Variants in CD4 observed in about 807,000 individuals in gnomAD.
The protein encoded by CD4 is CD4 molecule.
CD4 carries 25 observed loss-of-function variants against 50.5 expected under a neutral mutation model. The observed-to-expected ratio is 0.49, with a 90% CI of 0.36 to 0.69. The LOEUF (loss-of-function observed/expected upper bound fraction) is 0.69, where lower values mean the gene tolerates loss of function less well. Ranked by LOEUF, CD4 falls within the 30% of genes least tolerant of loss-of-function variation. The pLI, the probability that CD4 is intolerant of heterozygous loss-of-function variation, is 0.00. For missense variants in CD4, 456 were observed against 548.5 expected (o/e 0.83, Z 1.68); for synonymous variants, 207 against 221.9 (o/e 0.93, Z 0.60).
chr12:6,807,773 A>C (rs1447477798), intron 3 of CD4, among the ~76,000 whole-genome samples: 2 of 152,186 alleles, frequency 1.3e-5, no homozygotes, highest in African/African-American at 4.8e-5. Flanking sequence ...ATCTACAATT[A>C]TCTCAAAATA....
intron 3 of CD4, 62 bp downstream of exon 3, chr12:6,800,533 G>A: frequency 7.0e-7 from 1 of 1,431,610 alleles, no homozygotes; most frequent in Admixed American, 2.1e-5. Context: ...AGCCTTTGGT[G>A]TCTGAGATCT....
intron 3 of CD4, among the ~76,000 whole-genome samples, chr12:6,812,438 G>C (rs1279764596): frequency 6.6e-6 from 1 of 152,118 alleles, no homozygotes; most frequent in Non-Finnish European, 1.5e-5. Flanking sequence ...CCAGCACTTC[G>C]GGAGGCCAAG....
chr12:6,802,040 A>ACTT (rs1942580801), intron 3 of CD4, among the ~76,000 whole-genome samples: 1 of 150,700 alleles, frequency 6.6e-6, no homozygotes, highest in African/African-American at 2.4e-5. Flanking sequence ...TGCCCGGCTA[A>ACTT]TTTGCGTATT....
At chr12:6,793,961 T>A (rs1280978959) in intron 1 of CD4, among the ~76,000 whole-genome samples, 1 of 40,702 alleles carries the variant, frequency 2.5e-5, no homozygotes, top group Admixed American at 3.6e-4. Flanking sequence ...ACCCGGCTTC[T>A]ATCTATCTAT....
chr12:6,803,954 A>G (rs1297222418), intron 3 of CD4, among the ~76,000 whole-genome samples: 1 of 150,802 alleles, frequency 6.6e-6, no homozygotes, highest in Admixed American at 6.6e-5. Context: ...TACTAAAAAT[A>G]CAAAAAGTCA....
rs1943101914 is a variant in CD4 at position 6,817,180 on chromosome 12, C to G, written c.1006C>G (p.Pro336Ala). The change falls in exon 7 of 10, where the codon CCT (proline) becomes GCT (alanine). Residue 336 changes from proline (P) to alanine (A), a missense_variant. Transcript: ENST00000011653. Reference protein sequence around the residue: ...LTCEVWGPTSPKLMLSLKLEN... With the variant: ...LTCEVWGPTSAKLMLSLKLEN... ...CTGTGAGGTGTGGGGACCCACCTCC[C>G]CTAAGCTGATGCTGAGTTTGAAACT... 1 of 1,614,102 alleles carries G rather than the reference C, an allele frequency of 6.2e-7. No homozygotes were observed. The highest frequency in any genetic ancestry group is 1.3e-5 in the African/African-American group (1 of 75,040).
At chr12:6,815,842 G>A in intron 5 of CD4, 1 of 1,499,990 alleles carries the variant, frequency 6.7e-7, no homozygotes, top group Non-Finnish European at 8.9e-7. Context: ...GCTTCCGGGA[G>A]GAGGGAGGTG....
At chr12:6,813,538 C>T (rs991871869) in intron 3 of CD4, 5 of 152,142 alleles carry the variant, frequency 3.3e-5, no homozygotes, top group African/African-American at 1.2e-4. Flanking sequence ...AGATACGGGT[C>T]CAAATTAGTA....
chr12:6,817,436 T>C, intron 7 of CD4, 106 bp downstream of exon 7: 1 of 960,606 alleles, frequency 1.0e-6, no homozygotes, highest in African/African-American at 1.6e-5. Flanking sequence ...AGTTGGGGGG[T>C]TATGGGTATG....
chr12:6,809,400 G>A (rs1286103217), intron 3 of CD4, among the ~76,000 whole-genome samples: 1 of 152,068 alleles, frequency 6.6e-6, no homozygotes, highest in African/African-American at 2.4e-5. Context: ...GGGGGCTGAG[G>A]TGGCAGGATC....
At position 6,819,431 on chromosome 12, in the gene CD4, C is replaced by T. The variant is rs1943212160; in HGVS notation, c.*102C>T. On this transcript the variant is annotated 3_prime_UTR_variant, in exon 10 of 10. Transcript: ENST00000011653. ...ATGTAGCAGATCCCCAGCCTCTGGC[C>T]TCCTGTTCGCCTCCTCTACAATTTG... 4 of 1,091,020 alleles carry T rather than the reference C, an allele frequency of 3.7e-6. No homozygotes were observed. The highest frequency in any genetic ancestry group is 1.5e-5 in the African/African-American group (1 of 64,606). 67.6% of individuals were successfully genotyped at this position (1,091,020 alleles called of 1,614,324 possible).
chr12:6,797,187 T>A (rs1942398413), intron 1 of CD4, among the ~76,000 whole-genome samples: 1 of 152,098 alleles, frequency 6.6e-6, no homozygotes, highest in East Asian at 1.9e-4. Flanking sequence ...GAATCGCTCC[T>A]CTAATCTACA....
At chr12:6,801,155 C>T (rs1472358297) in intron 3 of CD4, among the ~76,000 whole-genome samples, 1 of 151,402 alleles carries the variant, frequency 6.6e-6, no homozygotes, top group African/African-American at 2.4e-5. Context: ...ATCCACTCAC[C>T]TTGGCCTCTC....
intron 3 of CD4, among the ~76,000 whole-genome samples, chr12:6,809,349 A>G (rs979993481): frequency 1.8e-4 from 28 of 152,172 alleles, no homozygotes; most frequent in African/African-American, 6.7e-4. Context: ...TACAAAAGTT[A>G]GTCGGGAGTG....
chr12:6,795,125 T>TATCTATC (rs1555114252), intron 1 of CD4, among the ~76,000 whole-genome samples: 2 of 151,872 alleles, frequency 1.3e-5, no homozygotes, highest in Non-Finnish European at 2.9e-5. Context: ...TCTATCTATC[T>TATCTATC]ATCTATCTAT....
intron 1 of CD4, among the ~76,000 whole-genome samples, chr12:6,793,970 A>ATATC (rs35782413): frequency 0.014 from 1,831 of 133,878 alleles, 13 homozygotes; most frequent in African/African-American, 0.031. Flanking sequence ...CTATCTATCT[A>ATATC]TATCTATCTA....
In CD4 at chr12:6,800,158, T is replaced by G. The variant is rs1164548089; in HGVS notation, c.20T>G (p.Phe7Cys). 7 of 1,614,042 alleles carry G rather than the reference T, an allele frequency of 4.3e-6. No individual in the cohort carries two copies. The highest frequency in any genetic ancestry group is 5.1e-6 in the Non-Finnish European group (6 of 1,179,986). The change falls in exon 2 of 10, where the codon TTT becomes TGT. Residue 7 changes from phenylalanine to cysteine, a missense_variant. Physicochemically the swap from Phe to Cys is radical, Grantham distance 205 (BLOSUM62 -2). Transcript: ENST00000011653. MNRGVP[F>C]RHLLLVLQLA... ...GCCACAATGAACCGGGGAGTCCCTT[T>G]TAGGCACTTGCTTCTGGTGCTGCAA...
At position 6,817,244 on chromosome 12, in the gene CD4, C is replaced by A. The variant is rs782135554; in HGVS notation, c.1070C>A (p.Ala357Glu). 2 of 1,609,500 alleles carry A rather than the reference C, an allele frequency of 1.2e-6. No homozygotes were observed. Among genetic ancestry groups the A allele is most frequent in the East Asian group, 2.2e-5 (1 of 44,756 alleles). ...KEAKVSKREK[A>E]VWVLNPEAGM... ...GCAAAGGTCTCGAAGCGGGAGAAGGCGGTGTGGGTGCTGAACCCTGAGGCG... is the reference window on the plus strand; with the variant it reads ...GCAAAGGTCTCGAAGCGGGAGAAGGAGGTGTGGGTGCTGAACCCTGAGGCG... Residue 357 changes from alanine to glutamate, a missense_variant, in exon 7 of 10, where the codon GCG (alanine) becomes GAG (glutamate). Ala to Glu is a moderately radical substitution (Grantham distance 107). Transcript: ENST00000011653.
intron 1 of CD4, among the ~76,000 whole-genome samples, 173 bp from the exon 2 acceptor site, chr12:6,799,899 G>A (rs2137857642): frequency 6.6e-6 from 1 of 152,180 alleles, no homozygotes. Context: ...TCTTTCTCTT[G>A]CTTCTGCTCC....
Sources: allele counts gnomAD v4.1 joint callset (sites outside exome capture counted in the v4.1 genomes callset), GRCh38; gene constraint gnomAD v4.1.1; transcripts MANE v1.5; gene names NCBI Gene and HGNC (gene_info 2026-07-23, HGNC 2026-07-21).